Variants in NPSR1 observed in about 807,000 individuals in gnomAD.
NPSR1 encodes the protein neuropeptide S receptor 1, also known as neuropeptide S receptor.
A neutral mutation model predicts 46.9 loss-of-function variants in NPSR1; 48 were observed. The observed-to-expected ratio is 1.02, with a 90% CI of 0.81 to 1.30. NPSR1 has a LOEUF of 1.30. Among genes scored for constraint, NPSR1 ranks in the 50% most tolerant of loss-of-function variants. The probability of loss-of-function intolerance (pLI) is 0.00; values close to 1 mark genes in which losing one functional copy is unlikely to be tolerated. For synonymous variants in NPSR1, 176 were observed against 168.1 expected, an observed-to-expected ratio of 1.05 and a Z score of -0.36; for missense variants, 450 against 449.5, an observed-to-expected ratio of 1.00 and a Z score of -0.01.
chr7:34,690,828 C>A (rs573090704), intron 2 of NPSR1, among the ~76,000 whole-genome samples: 11 of 152,178 alleles, frequency 7.2e-5, no homozygotes, highest in African/African-American at 2.4e-4. Flanking sequence ...AGAAAAGCTT[C>A]TTTGGTTTTG....
rs577692669 is a variant in NPSR1, at chr7:34,668,352, C to T, written c.147+9793C>T. Among the ~76,000 whole-genome samples, 5 of 152,274 alleles carry T rather than the reference C, an allele frequency of 3.3e-5. No individual in the cohort carries two copies. The South Asian group carries it at 1.0e-3, about 32-fold the overall frequency. ...ATGCAGATAGAAGATATTCTTTTGG[C>T]TAAGAATACATTTATTCCTTTTCCA... On this transcript the variant is annotated intron_variant, in intron 1 of 8. Transcript: ENST00000360581.
At chr7:34,825,002 A>G (rs1789753778) in intron 4 of NPSR1, among the ~76,000 whole-genome samples, 1 of 151,956 alleles carries the variant, frequency 6.6e-6, no homozygotes, top group Non-Finnish European at 1.5e-5. Flanking sequence ...CAGCTCCCCT[A>G]TGCCATCAAA....
intron 4 of NPSR1, 60 bp from the exon 5 acceptor site, chr7:34,827,341 C>A: frequency 6.9e-7 from 1 of 1,454,194 alleles, no homozygotes; most frequent in Non-Finnish European, 9.6e-7. Context: ...TAGCAGACTC[C>A]ATTGTGCTCC....
At chr7:34,821,074 T>C (rs1002522325) in intron 4 of NPSR1, among the ~76,000 whole-genome samples, 8 of 151,552 alleles carry the variant, frequency 5.3e-5, no homozygotes, top group Admixed American at 1.3e-4. Context: ...ATTCGGAAGG[T>C]TGGGGGGCCT....
At chr7:34,872,363 AC>A (rs1791478067) in intron 8 of NPSR1, among the ~76,000 whole-genome samples, 1 of 151,882 alleles carries the variant, frequency 6.6e-6, no homozygotes, top group South Asian at 2.1e-4. Flanking sequence ...GGAAGGGACC[AC>A]CCCAAGACTT....
intron 1 of NPSR1, among the ~76,000 whole-genome samples, chr7:34,679,435 A>T (rs987271700): frequency 1.3e-5 from 2 of 152,190 alleles, no homozygotes; most frequent in African/African-American, 4.8e-5. Context: ...CAAAATTAAT[A>T]TTAGGAAATA....
rs371826976 is a variant in NPSR1 at position 34,778,454 on chromosome 7, T to C, written c.281-8T>C. 3.9e-6 allele frequency: 6 copies of C among 1,537,682 alleles called. No individual in the cohort carries two copies. Among genetic ancestry groups the C allele is most frequent in the Non-Finnish European group, 4.5e-6 (5 of 1,114,474 alleles). On this transcript the variant is annotated splice_region_variant and splice_polypyrimidine_tract_variant and intron_variant, in intron 2 of 8. Coordinates refer to ENST00000360581, the MANE Select transcript of NPSR1 (RefSeq NM_207172.2). ...CCCTGAATGTAAGCACTTGTACGTT[T>C]TTGTTAGATTCTTTCACAGGACTGG...
intron 2 of NPSR1, among the ~76,000 whole-genome samples, chr7:34,747,806 G>A (rs17777663): frequency 0.3 from 46,224 of 152,072 alleles, 7,528 homozygotes; most frequent in East Asian, 0.43. Context: ...TTTAGAACAC[G>A]ACAAATCTTA....
At chr7:34,741,623 G>C (rs1271058418) in intron 2 of NPSR1, among the ~76,000 whole-genome samples, 1 of 151,946 alleles carries the variant, frequency 6.6e-6, no homozygotes, top group African/African-American at 2.4e-5. Flanking sequence ...GATCCTTCAG[G>C]GACCCTGGGA....
At chr7:34,670,885 G>C (rs908478904) in intron 1 of NPSR1, among the ~76,000 whole-genome samples, 1 of 152,004 alleles carries the variant, frequency 6.6e-6, no homozygotes, top group Non-Finnish European at 1.5e-5. Flanking sequence ...AACTGTTTGT[G>C]GGAGAGTAAA....
At position 34,658,658 on chromosome 7, in the gene NPSR1, G is replaced by A. The variant is rs186778540; in HGVS notation, c.147+99G>A. 1,677 of 1,196,876 alleles carry A rather than the reference G, an allele frequency of 1.4e-3. 1 individual carries two copies. Among genetic ancestry groups the A allele is most frequent in the Non-Finnish European group, 1.6e-3 (1,306 of 834,436 alleles). The allele number at this position is 1,196,876 out of a possible 1,614,324, so 74.1% of individuals were successfully genotyped here. A position where few individuals can be genotyped will look rare whatever the true frequency, so the allele number is the denominator to read the frequency against. On this transcript the variant is annotated intron_variant, in intron 1 of 8. Coordinates refer to ENST00000360581, the MANE Select transcript of NPSR1 (RefSeq NM_207172.2). ...AAGTATCATAGCCAGTATTGTGAAT[G>A]AGTGTTATTTTCTTTACTAAAAAGG...
chr7:34,852,818 C>T (rs1790966529), downstream of NPSR1, among the ~76,000 whole-genome samples: 1 of 152,126 alleles, frequency 6.6e-6, no homozygotes, highest in Admixed American at 6.5e-5. Flanking sequence ...TCTACGGTTA[C>T]ATTATTGCAT....
chr7:34,700,204 G>T (rs887855378), intron 2 of NPSR1, among the ~76,000 whole-genome samples: 2 of 152,116 alleles, frequency 1.3e-5, no homozygotes, highest in Non-Finnish European at 2.9e-5. Flanking sequence ...TGTAACGAGA[G>T]CACCAGAACA....
chr7:34,874,838 C>A (rs1791539689), intron 8 of NPSR1, among the ~76,000 whole-genome samples: 1 of 152,162 alleles, frequency 6.6e-6, no homozygotes, highest in Non-Finnish European at 1.5e-5. Flanking sequence ...TTCCCTTTCC[C>A]CTTTCTGGAC....
chr7:34,852,502 G>A (rs746303772), downstream of NPSR1, among the ~76,000 whole-genome samples: 6 of 152,130 alleles, frequency 3.9e-5, no homozygotes, highest in Non-Finnish European at 8.8e-5. Flanking sequence ...ACACAGGGAG[G>A]AATCTCTGAG....
At chr7:34,765,910 G>A (rs1456788026) in intron 2 of NPSR1, among the ~76,000 whole-genome samples, 1 of 152,082 alleles carries the variant, frequency 6.6e-6, no homozygotes, top group Non-Finnish European at 1.5e-5. Context: ...CTAGAGCAAG[G>A]GATGAAAATC....
chr7:34,726,754 A>G (rs1054538383), intron 2 of NPSR1, among the ~76,000 whole-genome samples: 1 of 152,062 alleles, frequency 6.6e-6, no homozygotes, highest in Non-Finnish European at 1.5e-5. Flanking sequence ...GTCAATCTGC[A>G]AAGACTACAT....
chr7:34,850,188 G>A (rs755523219), downstream of NPSR1, among the ~76,000 whole-genome samples: 1 of 152,162 alleles, frequency 6.6e-6, no homozygotes, highest in Non-Finnish European at 1.5e-5. Flanking sequence ...AGATAGCCTC[G>A]GTTTGCAGAT....
chr7:34,697,747 A>G (rs1443946465), intron 2 of NPSR1, among the ~76,000 whole-genome samples: 4 of 151,930 alleles, frequency 2.6e-5, no homozygotes, highest in African/African-American at 9.6e-5. Flanking sequence ...ACCCACAGAT[A>G]AAAAGGGCCA....
Sources: gnomAD v4.1 joint callset for allele counts (sites outside exome capture counted in the v4.1 genomes callset) on GRCh38, gnomAD v4.1.1 for gene constraint, MANE v1.5 for transcripts, NCBI Gene and HGNC (gene_info 2026-07-23, HGNC 2026-07-21) for gene names.